Variants in FBXO28 observed in about 807,000 individuals in gnomAD.
The protein encoded by FBXO28 is F-box protein 28, also known as F-box only protein 28.
In FBXO28, 8 loss-of-function variants were observed where a neutral mutation model predicts 38.1. That is an observed-to-expected ratio of 0.21 (90% CI 0.12 to 0.38). The LOEUF (loss-of-function observed/expected upper bound fraction) is 0.38. Ranked by LOEUF, FBXO28 falls within the 10% of genes least tolerant of loss-of-function variation. The probability of loss-of-function intolerance (pLI) is 1.00; values close to 1 mark genes in which losing one functional copy is unlikely to be tolerated. For synonymous variants in FBXO28, 168 were observed against 173.8 expected (o/e 0.97, Z 0.26); for missense variants, 345 against 460.6 (o/e 0.75, Z 2.30).
intron 3 of FBXO28, among the ~76,000 whole-genome samples, chr1:224,152,041 T>TAA (rs11417373): frequency 7.3e-4 from 103 of 141,992 alleles, no homozygotes; most frequent in African/African-American, 1.5e-3. Flanking sequence ...GACTCCATCT[T>TAA]AAAAAAAAAA....
At chr1:224,121,206 A>C (rs1558186565) in intron 1 of FBXO28, among the ~76,000 whole-genome samples, 1 of 152,350 alleles carries the variant, frequency 6.6e-6, no homozygotes, top group East Asian at 1.9e-4. Context: ...TTTATTAATG[A>C]GAAAAATAAT....
At chr1:224,129,517 A>AT (rs552373072) in intron 1 of FBXO28, among the ~76,000 whole-genome samples, 31 of 152,194 alleles carry the variant, frequency 2.0e-4, no homozygotes, top group Admixed American at 9.2e-4. Context: ...CTAAAAAAGA[A>AT]TTTTTTTTGT....
At chr1:224,130,445 G>A (rs773476418) in intron 1 of FBXO28, 27 bp from the exon 2 acceptor site, 3 of 862,082 alleles carry the variant, frequency 3.5e-6, no homozygotes, top group Non-Finnish European at 5.0e-6. Context: ...TTTGGTTATT[G>A]ATTTTTGTTC....
At chr1:224,140,945 C>CAAAA (rs33940975) in intron 3 of FBXO28, among the ~76,000 whole-genome samples, 1 of 143,986 alleles carries the variant, frequency 6.9e-6, no homozygotes. Flanking sequence ...GATTCTGTCT[C>CAAAA]AAAAAAAAAA....
At chr1:224,126,254 T>C (rs959239771) in intron 1 of FBXO28, among the ~76,000 whole-genome samples, 18 of 152,184 alleles carry the variant, frequency 1.2e-4, no homozygotes, top group African/African-American at 4.3e-4. Context: ...TTATAGATTA[T>C]TGAAAGATAT....
In FBXO28 at chr1:224,139,748, ACATACATGCATGCATG is replaced by A. The variant is rs200071897; in HGVS notation, c.516+5544_516+5559del. On this transcript the variant is annotated intron_variant, in intron 3 of 4. Coordinates refer to ENST00000366862, the MANE Select transcript of FBXO28 (RefSeq NM_015176.4). ...GAGTGAGACTTCGTCTGAAATAAAT[ACATACATGCATGCATG>A]CATACATACATACATACATACATAC... Among the ~76,000 whole-genome samples the A allele has an allele frequency of 1.9e-3, 49 of 26,218 alleles. No individual in the cohort carries two copies. In the East Asian group the frequency reaches 0.052, roughly 28 times the overall value. The allele number at this position is 26,218 out of a possible 152,430, so 17.2% of individuals were successfully genotyped here. A position where few individuals can be genotyped will look rare whatever the true frequency, so the allele number is the denominator to read the frequency against.
chr1:224,141,891 AT>A (rs199693010), intron 3 of FBXO28, among the ~76,000 whole-genome samples: 108 of 145,398 alleles, frequency 7.4e-4, no homozygotes, highest in Admixed American at 9.7e-4. Flanking sequence ...GGCTACATTA[AT>A]TTTTTTTTTT....
intron 3 of FBXO28, among the ~76,000 whole-genome samples, chr1:224,141,906 T>G (rs947393023): frequency 6.6e-6 from 1 of 151,682 alleles, no homozygotes; most frequent in South Asian, 2.1e-4. Context: ...TTTTTTTTTT[T>G]GATACTGGGT....
rs1657840821 is a variant in FBXO28 at position 224,159,208 on chromosome 1, T to A, written c.*1462T>A. On this transcript the variant is annotated 3_prime_UTR_variant, in exon 5 of 5. Coordinates refer to ENST00000366862, the MANE Select transcript of FBXO28 (RefSeq NM_015176.4). ...TAAATTTAGGTGTAATATAGAAAAC[T>A]GTCCCTTTCCAGGTGGGAGCTTAAC... The A allele has an allele frequency of 6.6e-6, 1 of 152,632 alleles. No individual in the cohort carries two copies. The highest frequency in any genetic ancestry group is 2.4e-5 in the African/African-American group (1 of 41,462). The allele number at this position is 152,632 out of a possible 1,614,324, so 9.5% of individuals were successfully genotyped here. A position where few individuals can be genotyped will look rare whatever the true frequency, so the allele number is the denominator to read the frequency against.
chr1:224,126,927 C>T (rs575845177), intron 1 of FBXO28, among the ~76,000 whole-genome samples: 1 of 152,234 alleles, frequency 6.6e-6, no homozygotes, highest in Non-Finnish European at 1.5e-5. Flanking sequence ...GGCTGATTTT[C>T]TTCTATTTGA....
At chr1:224,123,976 G>A (rs1280035678) in intron 1 of FBXO28, among the ~76,000 whole-genome samples, 1 of 152,138 alleles carries the variant, frequency 6.6e-6, no homozygotes, top group Non-Finnish European at 1.5e-5. Flanking sequence ...CGGGCGTGGT[G>A]GGAGGTGCCT....
At chr1:224,116,274 A>G (rs143568247) in intron 1 of FBXO28, among the ~76,000 whole-genome samples, 1 of 152,288 alleles carries the variant, frequency 6.6e-6, no homozygotes, top group East Asian at 1.9e-4. Flanking sequence ...CTTGGAAGGT[A>G]CAATTCAAGT....
At chr1:224,146,930 A>T (rs1199380488) in intron 3 of FBXO28, among the ~76,000 whole-genome samples, 3 of 149,554 alleles carry the variant, frequency 2.0e-5, no homozygotes, top group African/African-American at 7.4e-5. Context: ...CTGGTCTCGA[A>T]CTCCTGACCT....
chr1:224,140,150 C>T (rs773819079), intron 3 of FBXO28, among the ~76,000 whole-genome samples: 2 of 152,164 alleles, frequency 1.3e-5, no homozygotes, highest in African/African-American at 2.4e-5. Flanking sequence ...GTTGGAGACA[C>T]TGTGCTCCTT....
chr1:224,125,518 G>A (rs890300112), intron 1 of FBXO28, among the ~76,000 whole-genome samples: 6 of 151,918 alleles, frequency 3.9e-5, no homozygotes, highest in African/African-American at 1.2e-4. Context: ...GTATGATAGC[G>A]CTTGCAGAAA....
At chr1:224,124,085 G>A (rs1298974435) in intron 1 of FBXO28, among the ~76,000 whole-genome samples, 1 of 152,160 alleles carries the variant, frequency 6.6e-6, no homozygotes, top group Non-Finnish European at 1.5e-5. Flanking sequence ...ATTCCAGCCT[G>A]GGCAACGAGA....
chr1:224,147,614 C>T (rs913003703), intron 3 of FBXO28, among the ~76,000 whole-genome samples: 3 of 44,082 alleles, frequency 6.8e-5, no homozygotes, highest in African/African-American at 2.9e-4. Flanking sequence ...AGCACACACA[C>T]ATTTTGACAA....
chr1:224,153,177 C>G lies in FBXO28; in HGVS notation c.552C>G (p.Val184=). ...IDEIYRVLRY[V]NSTRAPQRAH... ...AGATTTATCGTGTGTTGAGATATGT[C>G]AATTCTACCAGAGCCCCTCAACGAG... Residue 184 remains valine (V), a synonymous_variant, in exon 4 of 5, where the codon GTC becomes GTG. Transcript: ENST00000366862. The G allele has an allele frequency of 6.2e-7, 1 of 1,607,862 alleles. No homozygotes were observed. The highest frequency in any genetic ancestry group is 8.5e-7 in the Non-Finnish European group (1 of 1,178,176).
In FBXO28 at chr1:224,157,886, T is replaced by C; in HGVS notation, c.*140T>C. 7.0e-7 allele frequency: 1 copy of C among 1,430,162 alleles called. No homozygotes were observed. Among genetic ancestry groups the C allele is most frequent in the Non-Finnish European group, 9.1e-7 (1 of 1,098,770 alleles). The allele number at this position is 1,430,162 out of a possible 1,614,324, so 88.6% of individuals were successfully genotyped here. Reference sequence around the variant, plus strand: ...ACAACTTAAACTTGAACTCTTATGGTTGGGACATTCTTTTCCTGCTTCTCC... The same window carrying C: ...ACAACTTAAACTTGAACTCTTATGGCTGGGACATTCTTTTCCTGCTTCTCC... On this transcript the variant is annotated 3_prime_UTR_variant, in exon 5 of 5. Transcript: ENST00000366862.
Sources: allele counts gnomAD v4.1 joint callset (sites outside exome capture counted in the v4.1 genomes callset), GRCh38; gene constraint gnomAD v4.1.1; transcripts MANE v1.5; gene names NCBI Gene and HGNC (gene_info 2026-07-23, HGNC 2026-07-21).